Variants in RPRD1A observed in about 807,000 individuals in gnomAD.
The protein encoded by RPRD1A is regulation of nuclear pre-mRNA domain-containing protein 1A.
A neutral mutation model predicts 37.8 loss-of-function variants in RPRD1A; 9 were observed. That is an observed-to-expected ratio of 0.24 (90% CI 0.14 to 0.42). The LOEUF (loss-of-function observed/expected upper bound fraction) is 0.42, where lower values mean the gene tolerates loss of function less well. Ranked by LOEUF, RPRD1A falls within the 10% of genes least tolerant of loss-of-function variation. The pLI, the probability that RPRD1A is intolerant of heterozygous loss-of-function variation, is 1.00. For synonymous variants in RPRD1A, 138 were observed against 139.7 expected (o/e 0.99, Z 0.08); for missense variants, 255 against 371.0 (o/e 0.69, Z 2.57).
At chr18:36,007,841 G>C (rs1158103070) in intron 6 of RPRD1A, among the ~76,000 whole-genome samples, 2 of 152,144 alleles carry the variant, frequency 1.3e-5, no homozygotes, top group Non-Finnish European at 2.9e-5. Context: ...GGGAGGCTGA[G>C]GCAGGAGAAT....
chr18:36,055,506 T>G (rs1375518854), intron 1 of RPRD1A, among the ~76,000 whole-genome samples: 1 of 152,318 alleles, frequency 6.6e-6, no homozygotes, highest in East Asian at 1.9e-4. Context: ...CTTTAGAGAT[T>G]TTTTACAAAG....
chr18:36,016,813 T>G (rs1910616105), intron 6 of RPRD1A, among the ~76,000 whole-genome samples: 1 of 152,184 alleles, frequency 6.6e-6, no homozygotes, highest in Admixed American at 6.5e-5. Context: ...ATTTAGCTAT[T>G]AAATGAGATT....
chr18:36,034,998 T>A (rs1389452266), intron 1 of RPRD1A, among the ~76,000 whole-genome samples: 1 of 152,234 alleles, frequency 6.6e-6, no homozygotes, highest in Non-Finnish European at 1.5e-5. Context: ...CCACTTTTCA[T>A]GATTTTGCAA....
At chr18:36,059,518 T>G (rs529836181) in intron 1 of RPRD1A, among the ~76,000 whole-genome samples, 1 of 152,278 alleles carries the variant, frequency 6.6e-6, no homozygotes, top group South Asian at 2.1e-4. Context: ...ATTAAATAAA[T>G]TTTTAAGTGT....
At chr18:36,008,587 A>ATATATATATATATATATATATATATC (rs1234904779) in intron 6 of RPRD1A, among the ~76,000 whole-genome samples, 2 of 119,588 alleles carry the variant, frequency 1.7e-5, no homozygotes, top group African/African-American at 7.3e-5. Context: ...GTATATATAT[A>ATATATATATATATATATATATATATC]TATCTTTAAA....
At position 36,027,186 on chromosome 18, in the gene RPRD1A, G is replaced by C. The variant is rs1158606173; in HGVS notation, c.611C>G (p.Thr204Arg). 1.2e-6 allele frequency: 2 copies of C among 1,613,634 alleles called. No homozygotes were observed. The highest frequency in any genetic ancestry group is 1.7e-6 in the Non-Finnish European group (2 of 1,179,686). The change falls in exon 5 of 7, where the codon ACA (threonine) becomes AGA (arginine). Residue 204 changes from threonine to arginine, a missense_variant and splice_region_variant. Around this residue, in one of 2 missense-constraint regions of RPRD1A, gnomAD observed 211 missense variants for 268.9 expected, o/e 0.78. Coordinates refer to ENST00000399022, the MANE Select transcript of RPRD1A (RefSeq NM_018170.5). Reference sequence around the variant, plus strand: ...TGGATCACATTTTCTTTTCTTACCTGTTATTTTATCTAATAGAGATACTTC... The same window carrying C: ...TGGATCACATTTTCTTTTCTTACCTCTTATTTTATCTAATAGAGATACTTC... ...VQEVSLLDKI[T>R]DKESGERLSK...
Position 36,067,493 on chromosome 18 carries a change from C to G in RPRD1A, c.-89G>C, listed in dbSNP as rs2089056305. On this transcript the variant is annotated 5_prime_UTR_variant, in exon 1 of 7. Coordinates refer to ENST00000399022, the MANE Select transcript of RPRD1A (RefSeq NM_018170.5). ...CCTAGCTGCGGCCTCGCCCCCTCAC[C>G]CCACCCTTCCCCACGCTCTCACCAC... The G allele has an allele frequency of 2.3e-6, 3 of 1,314,734 alleles. No homozygotes were observed. Among genetic ancestry groups the G allele is most frequent in the Non-Finnish European group, 3.1e-6 (3 of 958,814 alleles). 81.4% of individuals were successfully genotyped at this position (1,314,734 alleles called of 1,614,324 possible).
intron 1 of RPRD1A, among the ~76,000 whole-genome samples, chr18:36,037,627 T>C (rs1172378399): frequency 6.6e-6 from 1 of 152,174 alleles, no homozygotes; most frequent in Non-Finnish European, 1.5e-5. Flanking sequence ...TGGAACTGGG[T>C]AACAGGCAGA....
intron 6 of RPRD1A, among the ~76,000 whole-genome samples, chr18:36,023,063 G>A (rs1239001897): frequency 6.6e-6 from 1 of 152,204 alleles, no homozygotes; most frequent in Admixed American, 6.5e-5. Context: ...GCTAACACGT[G>A]TTCTGCCACT....
intron 4 of RPRD1A, chr18:36,027,666 A>G (rs1911469566): frequency 5.7e-6 from 1 of 175,452 alleles, no homozygotes; most frequent in African/African-American, 2.4e-5. Flanking sequence ...TAGAGAATAC[A>G]AGTTTTATGT....
chr18:36,007,660 C>T (rs1909830897), intron 6 of RPRD1A, among the ~76,000 whole-genome samples: 1 of 152,128 alleles, frequency 6.6e-6, no homozygotes, highest in African/African-American at 2.4e-5. Flanking sequence ...TAAATTCTGG[C>T]CGGGCACGGT....
At chr18:36,030,771 A>G (rs773122178) in intron 4 of RPRD1A, 37 bp downstream of exon 4, 3 of 1,293,816 alleles carry the variant, frequency 2.3e-6, no homozygotes, top group South Asian at 2.5e-5. Context: ...ACATGAAGTA[A>G]AAGTTTGTAA....
rs1475235751 is a variant in RPRD1A, at chr18:36,060,034, AAGTAAC to A, written c.151+7214_151+7219del. The stretch of plus-strand genomic sequence containing the variant: ...TCAATTCTAACTCTGAAAGAGAAAC[AAGTAAC>A]AGTATCAGACAATATAAAAGCCACT... On this transcript the variant is annotated intron_variant, in intron 1 of 6. Coordinates refer to ENST00000399022, the MANE Select transcript of RPRD1A (RefSeq NM_018170.5). Among the ~76,000 whole-genome samples, 3 of 152,342 alleles carry A rather than the reference AAGTAAC, an allele frequency of 2.0e-5. No homozygotes were observed. In the East Asian group the frequency reaches 5.8e-4, roughly 29 times the overall value.
intron 1 of RPRD1A, among the ~76,000 whole-genome samples, chr18:36,045,889 G>C (rs1306108634): frequency 2.6e-5 from 4 of 152,098 alleles, no homozygotes; most frequent in African/African-American, 9.7e-5. Context: ...GGAAAAAAGG[G>C]GGGGCACTTA....
rs1249768246 is a variant in RPRD1A at position 36,027,029 on chromosome 18, A to G, written c.660T>C (p.Cys220=). The G allele has an allele frequency of 1.2e-6, 2 of 1,613,928 alleles. No homozygotes were observed. The highest frequency in any genetic ancestry group is 1.3e-5 in the African/African-American group (1 of 74,930). Reference sequence around the variant, plus strand: ...TGCCATTGTAATCTGCCAGCAACATACACGCATCCTCTACCATTTTGGAAA... The same window carrying G: ...TGCCATTGTAATCTGCCAGCAACATGCACGCATCCTCTACCATTTTGGAAA... ...ERLSKMVEDA[C]MLLADYNGRL... is the part of the protein sequence containing the mutation. Residue 220 remains cysteine (C), a synonymous_variant, in exon 6 of 7, where the codon TGT becomes TGC. Coordinates refer to ENST00000399022, the MANE Select transcript of RPRD1A (RefSeq NM_018170.5).
At chr18:36,044,002 T>C (rs977603095) in intron 1 of RPRD1A, among the ~76,000 whole-genome samples, 10 of 152,208 alleles carry the variant, frequency 6.6e-5, no homozygotes, top group Admixed American at 4.6e-4. Flanking sequence ...ATATAAACTA[T>C]ATACTGTATT....
intron 6 of RPRD1A, among the ~76,000 whole-genome samples, chr18:36,001,646 C>A (rs1909422981): frequency 6.6e-6 from 1 of 152,156 alleles, no homozygotes; most frequent in African/African-American, 2.4e-5. Flanking sequence ...CAGGCCTGCT[C>A]AGATCCTCCA....
rs547021234 is a variant in RPRD1A, at chr18:36,030,462, G to C, written c.486+346C>G. On this transcript the variant is annotated intron_variant, in intron 4 of 6. Coordinates refer to ENST00000399022, the MANE Select transcript of RPRD1A (RefSeq NM_018170.5). The stretch of plus-strand genomic sequence containing the variant: ...AGTGCCACTGAACTCCAGCCCTGGG[G>C]ACAGAGTGAAACTCCGTCTCAAAAA... 2.0e-5 allele frequency among the ~76,000 whole-genome samples: 3 copies of C among 151,178 alleles called. No individual in the cohort carries two copies. In the South Asian group the frequency reaches 6.3e-4, roughly 32 times the overall value.
Position 36,031,115 on chromosome 18 carries a change from G to T in RPRD1A, c.282-18C>A. 7.4e-7 allele frequency: 1 copy of T among 1,356,566 alleles called. No individual in the cohort carries two copies. Among genetic ancestry groups the T allele is most frequent in the Non-Finnish European group, 9.8e-7 (1 of 1,021,378 alleles). The allele number at this position is 1,356,566 out of a possible 1,614,324, so 84.0% of individuals were successfully genotyped here. A position where few individuals can be genotyped will look rare whatever the true frequency, so the allele number is the denominator to read the frequency against. Reference sequence around the variant, plus strand: ...CAGTTTCACTAAAAAAAAAAAAAAAGAAAAAAAGAAAAATGTTAACAGTAA... The same window carrying T: ...CAGTTTCACTAAAAAAAAAAAAAAATAAAAAAAGAAAAATGTTAACAGTAA... On this transcript the variant is annotated intron_variant, in intron 2 of 6. Coordinates refer to ENST00000399022, the MANE Select transcript of RPRD1A (RefSeq NM_018170.5).
Sources: gnomAD v4.1 joint callset for allele counts (sites outside exome capture counted in the v4.1 genomes callset) on GRCh38, gnomAD v4.1.1 for gene constraint, gnomAD v4.1.1 regional missense constraint, MANE v1.5 for transcripts, NCBI Gene and HGNC (gene_info 2026-07-23, HGNC 2026-07-21) for gene names.